The following TENM4 variants were observed in gnomAD, a reference collection of about 807,000 sequenced individuals.
TENM4 encodes teneurin transmembrane protein 4.
TENM4 carries 82 observed loss-of-function variants against 243.3 expected under a neutral mutation model. That is an observed-to-expected ratio of 0.34 (90% confidence interval 0.28 to 0.40). TENM4 has a LOEUF of 0.40. Ranked by LOEUF, TENM4 falls within the 10% of genes least tolerant of loss-of-function variation. TENM4 has a pLI of 1.00. For missense variants in TENM4, 3,138 were observed against 3,673.3 expected (o/e 0.85, Z 3.77); for synonymous variants, 1,412 against 1,456.3 (o/e 0.97, Z 0.69).
chr11:78,704,898 T>G (rs138616931), intron 27 of TENM4, among the ~76,000 whole-genome samples: 34 of 152,260 alleles, frequency 2.2e-4, no homozygotes, highest in African/African-American at 7.5e-4. Flanking sequence ...GCAGGCCCTT[T>G]CTCAGTTCTT....
intron 7 of TENM4, among the ~76,000 whole-genome samples, chr11:78,894,128 G>A (rs1371437066): frequency 6.6e-6 from 1 of 152,158 alleles, no homozygotes; most frequent in Non-Finnish European, 1.5e-5. Flanking sequence ...GTGCTTCATT[G>A]AAGATGGCAG....
chr11:79,139,814 T>G (rs868543929), intron 4 of TENM4, among the ~76,000 whole-genome samples: 1 of 65,260 alleles, frequency 1.5e-5, no homozygotes, highest in Non-Finnish European at 2.7e-5. Context: ...TAATATATAT[T>G]TTATATTTAT....
At chr11:78,984,874 G>A (rs1008882658) in intron 6 of TENM4, among the ~76,000 whole-genome samples, 3 of 152,014 alleles carry the variant, frequency 2.0e-5, no homozygotes, top group South Asian at 2.1e-4. Flanking sequence ...CATTTCAAGC[G>A]ATCAGTGGTT....
At chr11:78,785,766 C>G (rs1033747876) in intron 16 of TENM4, among the ~76,000 whole-genome samples, 2 of 152,104 alleles carry the variant, frequency 1.3e-5, no homozygotes, top group African/African-American at 4.8e-5. Context: ...TAATGTTAGG[C>G]TTCAAAACAA....
chr11:79,006,220 C>G (rs1317951238), intron 6 of TENM4, among the ~76,000 whole-genome samples: 1 of 152,086 alleles, frequency 6.6e-6, no homozygotes, highest in African/African-American at 2.4e-5. Flanking sequence ...CTTTCTACCC[C>G]CTACTCAGTA....
Position 79,271,977 on chromosome 11 carries a change from T to C in TENM4, c.-265+25511A>G, listed in dbSNP as rs555687945. 2.0e-5 allele frequency among the ~76,000 whole-genome samples: 3 copies of C among 152,276 alleles called. No homozygotes were observed. The South Asian group carries it at 6.2e-4, about 32-fold the overall frequency. On this transcript the variant is annotated intron_variant, in intron 2 of 33. Transcript: ENST00000278550. ...TTAAATAAAATGAGAACATAGATGA[T>C]CTCATTTGGTTCCTGTAACAACCCT...
intron 15 of TENM4, among the ~76,000 whole-genome samples, 180 bp from the exon 16 acceptor site, chr11:78,787,263 G>T (rs927238240): frequency 6.6e-6 from 1 of 152,186 alleles, no homozygotes; most frequent in African/African-American, 2.4e-5. Flanking sequence ...CCAGAGGCTC[G>T]CGAGACTAAT....
intron 3 of TENM4, among the ~76,000 whole-genome samples, chr11:79,159,240 A>G (rs1193386569): frequency 6.6e-6 from 1 of 152,130 alleles, no homozygotes; most frequent in Non-Finnish European, 1.5e-5. Flanking sequence ...GTTATATCTT[A>G]TCTTAGTCTA....
chr11:79,295,158 T>G (rs1353186028), intron 2 of TENM4, among the ~76,000 whole-genome samples: 1 of 152,178 alleles, frequency 6.6e-6, no homozygotes, highest in Non-Finnish European at 1.5e-5. Flanking sequence ...AACCCAGTCC[T>G]GTTTAGGCGA....
Position 78,729,611 on chromosome 11 carries a change from G to A in TENM4, c.3171C>T (p.Cys1057=), listed in dbSNP as rs1400148880. ...TGCTCAGGTAGCTCAGCCTCATCTT[G>A]CAGCCAGAGATAGAGATTTCCTCCT... ...ALQEEISISG[C]KMRLSYLSSR... The change falls in exon 22 of 34, where the codon TGC becomes TGT. Residue 1057 remains cysteine (C), a synonymous_variant. Transcript: ENST00000278550. 6.2e-7 allele frequency: 1 copy of A among 1,612,960 alleles called. No homozygotes were observed. The highest frequency in any genetic ancestry group is 2.2e-5 in the East Asian group (1 of 44,840).
intron 3 of TENM4, among the ~76,000 whole-genome samples, chr11:79,178,597 T>G (rs1863218565): frequency 6.6e-6 from 1 of 152,188 alleles, no homozygotes; most frequent in Non-Finnish European, 1.5e-5. Flanking sequence ...GTTTGAGTCA[T>G]ATGAGGACTG....
chr11:79,046,969 G>A (rs373935357), intron 6 of TENM4, among the ~76,000 whole-genome samples: 29 of 152,102 alleles, frequency 1.9e-4, no homozygotes, highest in African/African-American at 6.3e-4. Flanking sequence ...ATCAAGACGC[G>A]ATGAGAACCC....
At chr11:78,661,246 A>G (rs540567231) in intron 33 of TENM4, among the ~76,000 whole-genome samples, 1 of 152,330 alleles carries the variant, frequency 6.6e-6, no homozygotes, top group South Asian at 2.1e-4. Flanking sequence ...GCAGCTTGTA[A>G]GCGTCTGTGT....
chr11:79,234,867 C>T lies in TENM4; in HGVS notation c.-264-18958G>A, dbSNP rs1283459334. Among the ~76,000 whole-genome samples the T allele has an allele frequency of 3.3e-5, 5 of 152,074 alleles. No homozygotes were observed. The East Asian group carries it at 5.8e-4, about 18-fold the overall frequency. ...CCGCAGTGAGCCTTTTCCCTGGATG[C>T]GGGGCACCTGGCTTGCGGGGTCTGG... is the stretch of plus-strand genomic sequence containing the variant. On this transcript the variant is annotated intron_variant, in intron 2 of 33. Transcript: ENST00000278550.
chr11:79,221,726 A>C (rs56343581), intron 2 of TENM4, among the ~76,000 whole-genome samples: 4,068 of 152,274 alleles, frequency 0.027, 58 homozygotes, highest in Middle Eastern at 0.044. Context: ...GCATATTTTT[A>C]ATGCACACAA....
intron 20 of TENM4, among the ~76,000 whole-genome samples, chr11:78,737,704 C>T (rs568279122): frequency 9.2e-5 from 14 of 152,170 alleles, no homozygotes; most frequent in Non-Finnish European, 1.8e-4. Context: ...TGTCCTGTCA[C>T]CATCACTTAC....
At chr11:78,826,187 AAG>A (rs1276402091) in intron 12 of TENM4, among the ~76,000 whole-genome samples, 1 of 147,388 alleles carries the variant, frequency 6.8e-6, no homozygotes, top group Non-Finnish European at 1.5e-5. Flanking sequence ...TCCAGGGTTC[AAG>A]AGAGTCTCCT....
chr11:79,006,623 G>A (rs1208355603), intron 6 of TENM4, among the ~76,000 whole-genome samples: 1 of 151,906 alleles, frequency 6.6e-6, no homozygotes, highest in Non-Finnish European at 1.5e-5. Context: ...AGCCACATAG[G>A]GTGCATCAGG....
At chr11:79,369,766 T>A (rs529731984) in intron 1 of TENM4, among the ~76,000 whole-genome samples, 2 of 152,278 alleles carry the variant, frequency 1.3e-5, no homozygotes, top group South Asian at 4.1e-4. Flanking sequence ...TCCAGAACCT[T>A]CTCTCAACTG....
Sources: gnomAD v4.1 joint callset for allele counts (sites outside exome capture counted in the v4.1 genomes callset) on GRCh38, gnomAD v4.1.1 for gene constraint, MANE v1.5 for transcripts, NCBI Gene and HGNC (gene_info 2026-07-23, HGNC 2026-07-21) for gene names.